LRRIQ3: variants seen among roughly 807,000 people sequenced by gnomAD.
The protein encoded by LRRIQ3 is leucine-rich repeat and IQ domain-containing protein 3.
LRRIQ3 carries 75 observed loss-of-function variants against 59.3 expected under a neutral mutation model. The ratio of observed to expected loss-of-function variants is 1.26; its 90% CI spans 1.05 to 1.53. LRRIQ3 has a LOEUF of 1.53. LRRIQ3 is among the 40% of genes most tolerant of loss of function. LRRIQ3 has a pLI of 0.00. For missense variants in LRRIQ3, 831 were observed against 710.0 expected (o/e 1.17, Z -1.94); for synonymous variants, 250 against 231.3 (o/e 1.08, Z -0.73).
intron 5 of LRRIQ3, among the ~76,000 whole-genome samples, chr1:74,104,091 A>G (rs1016697407): frequency 2.0e-4 from 31 of 152,036 alleles, no homozygotes; most frequent in African/African-American, 7.2e-4. Flanking sequence ...GAATATACAT[A>G]GATGGTAAGT....
chr1:74,099,637 C>T (rs969223676), intron 5 of LRRIQ3, among the ~76,000 whole-genome samples: 1 of 152,146 alleles, frequency 6.6e-6, no homozygotes, highest in Non-Finnish European at 1.5e-5. Flanking sequence ...CCCTGATGAA[C>T]ATCGATGCAA....
chr1:74,121,650 G>A (rs1646857954), intron 4 of LRRIQ3, among the ~76,000 whole-genome samples: 1 of 151,942 alleles, frequency 6.6e-6, no homozygotes, highest in African/African-American at 2.4e-5. Context: ...AGTTACATAT[G>A]TATACATGTG....
chr1:74,047,072 C>T (rs1654226970), intron 6 of LRRIQ3, among the ~76,000 whole-genome samples: 1 of 151,992 alleles, frequency 6.6e-6, no homozygotes, highest in Admixed American at 6.6e-5. Flanking sequence ...ACCAGAAATA[C>T]CCAGCAATCC....
chr1:74,180,689 C>A (rs879658387), intron 3 of LRRIQ3: 45 of 1,545,330 alleles, frequency 2.9e-5, no homozygotes, highest in Admixed American at 5.9e-5. Flanking sequence ...ATGTTGACTG[C>A]AGACTTGTTG....
intron 7 of LRRIQ3, 134 bp downstream of exon 7, chr1:74,041,079 T>C: frequency 1.4e-6 from 1 of 720,084 alleles, no homozygotes; most frequent in Non-Finnish European, 2.2e-6. Context: ...TATTATTTGT[T>C]CTTTGTTTTA....
chr1:74,134,952 T>A (rs1647097291), intron 4 of LRRIQ3, among the ~76,000 whole-genome samples: 1 of 151,976 alleles, frequency 6.6e-6, no homozygotes, highest in Non-Finnish European at 1.5e-5. Flanking sequence ...AAGACAAATG[T>A]TTTCAGATTA....
intron 4 of LRRIQ3, among the ~76,000 whole-genome samples, chr1:74,125,096 G>A (rs1035763730): frequency 1.3e-5 from 2 of 151,556 alleles, no homozygotes; most frequent in Non-Finnish European, 3.0e-5. Context: ...TAATTCCTAG[G>A]TATCTAATTT....
At chr1:74,080,676 T>A (rs1354675209) in intron 5 of LRRIQ3, among the ~76,000 whole-genome samples, 3 of 151,694 alleles carry the variant, frequency 2.0e-5, no homozygotes, top group Non-Finnish European at 3.0e-5. Flanking sequence ...CTAATCCAGA[T>A]CTTACCTTTT....
At position 74,182,851 on chromosome 1, in the gene LRRIQ3, A is replaced by G. The variant is rs1650080019; in HGVS notation, c.260T>C (p.Leu87Pro). 1.3e-6 allele frequency: 2 copies of G among 1,485,510 alleles called. No individual in the cohort carries two copies. Among genetic ancestry groups the G allele is most frequent in the African/African-American group, 1.4e-5 (1 of 71,014 alleles). 92.0% of individuals were successfully genotyped at this position (1,485,510 alleles called of 1,614,324 possible). A position where few individuals can be genotyped will look rare whatever the true frequency, so the allele number is the denominator to read the frequency against. Residue 87 changes from leucine to proline, a missense_variant, in exon 3 of 8, where the codon CTA (leucine) becomes CCA (proline). By Grantham distance (98) the Leu-to-Pro change is moderately conservative. Transcript: ENST00000354431. The part of the protein sequence containing the change: ...LDLHGNQIKS[L>P]PNTKFWNGLK... ...TCCATTCCAAAATTTGGTATTTGGT[A>G]GACTCTTTATCTGAAATATTATTAA... is the stretch of plus-strand genomic sequence containing the variant.
chr1:74,044,358 A>G (rs1442854200), intron 6 of LRRIQ3, among the ~76,000 whole-genome samples: 1 of 152,078 alleles, frequency 6.6e-6, no homozygotes, highest in Non-Finnish European at 1.5e-5. Flanking sequence ...CCCTCTCGTG[A>G]TAATGAGAGA....
At chr1:74,196,109 A>C (rs1326463285) in intron 1 of LRRIQ3, among the ~76,000 whole-genome samples, 7 of 152,214 alleles carry the variant, frequency 4.6e-5, no homozygotes, top group Non-Finnish European at 2.9e-5. Context: ...TTTTGATTGC[A>C]TGATATAGTC....
chr1:74,049,329 G>T (rs1654294555), intron 6 of LRRIQ3, among the ~76,000 whole-genome samples: 1 of 152,136 alleles, frequency 6.6e-6, no homozygotes, highest in South Asian at 2.1e-4. Context: ...GACTGATATG[G>T]TATGTGATTT....
Position 74,039,081 on chromosome 1 carries a change from T to C in LRRIQ3, c.1718+2132A>G, listed in dbSNP as rs182414756. Among the ~76,000 whole-genome samples, 420 of 152,224 alleles carry C rather than the reference T, an allele frequency of 2.8e-3. 1 individual carries two copies. Among genetic ancestry groups the C allele is most frequent in the African/African-American group, 9.5e-3 (395 of 41,546 alleles). On this transcript the variant is annotated intron_variant, in intron 7 of 7. Coordinates refer to ENST00000354431, the MANE Select transcript of LRRIQ3 (RefSeq NM_001105659.2). ...TTAGCAAAGAAGGTAAGAACCTTGATAAAAAGTTAGAGAAGGTGCTAACTA... is the reference window on the plus strand; with the variant it reads ...TTAGCAAAGAAGGTAAGAACCTTGACAAAAAGTTAGAGAAGGTGCTAACTA...
intron 4 of LRRIQ3, among the ~76,000 whole-genome samples, chr1:74,134,104 T>C (rs1647077097): frequency 6.6e-6 from 1 of 152,032 alleles, no homozygotes; most frequent in African/African-American, 2.4e-5. Context: ...TCAAAAATTA[T>C]TTCTTAAAAT....
chr1:74,125,170 C>T (rs192197551), intron 4 of LRRIQ3, among the ~76,000 whole-genome samples: 1 of 151,698 alleles, frequency 6.6e-6, no homozygotes. Flanking sequence ...TCACTGTTGG[C>T]ATACAGAAAT....
chr1:74,154,001 G>A (rs959655544), intron 4 of LRRIQ3, among the ~76,000 whole-genome samples: 1 of 151,852 alleles, frequency 6.6e-6, no homozygotes, highest in Non-Finnish European at 1.5e-5. Flanking sequence ...CAGCACTTTG[G>A]GGGGCCGAGG....
chr1:74,183,811 T>C (rs1650176168), intron 1 of LRRIQ3, 127 bp from the exon 2 acceptor site: 3 of 729,308 alleles, frequency 4.1e-6, no homozygotes, highest in African/African-American at 1.8e-5. Context: ...TTAAAAAAAC[T>C]CATTCTTATA....
intron 7 of LRRIQ3, among the ~76,000 whole-genome samples, chr1:74,033,637 T>C (rs1653784294): frequency 6.6e-6 from 1 of 151,994 alleles, no homozygotes; most frequent in South Asian, 2.1e-4. Flanking sequence ...TGTCCAAAAA[T>C]GTTGATATTA....
chr1:74,070,471 A>G (rs1402932675), intron 6 of LRRIQ3, among the ~76,000 whole-genome samples: 1 of 151,968 alleles, frequency 6.6e-6, no homozygotes, highest in Non-Finnish European at 1.5e-5. Context: ...ACTGGGCCCT[A>G]CTGGAGAGTG....
Sources: gnomAD v4.1 joint callset for allele counts (sites outside exome capture counted in the v4.1 genomes callset) on GRCh38, gnomAD v4.1.1 for gene constraint, MANE v1.5 for transcripts, NCBI Gene and HGNC (gene_info 2026-07-23, HGNC 2026-07-21) for gene names.